PAG1: variants seen among roughly 807,000 people sequenced by gnomAD.
PAG1 encodes phosphoprotein associated with glycosphingolipid-enriched microdomains 1.
PAG1 carries 23 observed loss-of-function variants against 31.7 expected under a neutral mutation model. The ratio of observed to expected loss-of-function variants is 0.73; its 90% CI spans 0.52 to 1.03. PAG1 has a LOEUF of 1.03. Ranked by LOEUF, PAG1 falls within the 50% of genes least tolerant of loss-of-function variation. The pLI, the probability that PAG1 is intolerant of heterozygous loss-of-function variation, is 0.00. For synonymous variants in PAG1, 214 were observed against 210.3 expected, an observed-to-expected ratio of 1.02 and a Z score of -0.15; for missense variants, 473 against 540.7, an observed-to-expected ratio of 0.87 and a Z score of 1.24.
chr8:81,109,047 C>T (rs1028783950), intron 1 of PAG1, among the ~76,000 whole-genome samples: 4 of 152,230 alleles, frequency 2.6e-5, no homozygotes, highest in South Asian at 2.1e-4. Flanking sequence ...GAGACCACCA[C>T]CCTCCAGTGT....
intron 1 of PAG1, among the ~76,000 whole-genome samples, chr8:81,081,200 C>A (rs1355226322): frequency 2.0e-5 from 3 of 151,502 alleles, no homozygotes; most frequent in Admixed American, 6.6e-5. Context: ...CCTTCCCAAT[C>A]TCCAAACAAA....
intron 2 of PAG1, among the ~76,000 whole-genome samples, chr8:81,055,907 G>A (rs1425964987): frequency 6.6e-6 from 1 of 152,148 alleles, no homozygotes; most frequent in African/African-American, 2.4e-5. Flanking sequence ...CTGCAAACAG[G>A]GACAATTTGA....
At chr8:81,090,766 C>G (rs551034072) in intron 1 of PAG1, among the ~76,000 whole-genome samples, 2 of 152,296 alleles carry the variant, frequency 1.3e-5, no homozygotes, top group African/African-American at 4.8e-5. Flanking sequence ...AGTTATATAA[C>G]TAGAACACAG....
At chr8:81,063,856 T>TTA (rs1200455586) in intron 2 of PAG1, among the ~76,000 whole-genome samples, 1 of 152,008 alleles carries the variant, frequency 6.6e-6, no homozygotes, top group Non-Finnish European at 1.5e-5. Context: ...GACCCAAGGA[T>TTA]TATATACCCA....
chr8:81,020,590 G>T (rs972439628), intron 3 of PAG1, among the ~76,000 whole-genome samples: 3 of 152,070 alleles, frequency 2.0e-5, no homozygotes, highest in Non-Finnish European at 4.4e-5. Flanking sequence ...TGATTATGAG[G>T]CCTCCCAGCC....
intron 1 of PAG1, among the ~76,000 whole-genome samples, chr8:81,110,629 T>C (rs890932331): frequency 6.6e-6 from 1 of 152,232 alleles, no homozygotes; most frequent in African/African-American, 2.4e-5. Context: ...CCACTTTTTC[T>C]AAAACAAAGG....
At chr8:81,037,199 A>C (rs1328935390) in intron 2 of PAG1, 1 of 152,218 alleles carries the variant, frequency 6.6e-6, no homozygotes, top group Non-Finnish European at 1.5e-5. Flanking sequence ...ATTTTCTTGA[A>C]TTCTAGGAAG....
At chr8:81,032,776 T>C (rs1465238013) in intron 2 of PAG1, among the ~76,000 whole-genome samples, 2 of 152,152 alleles carry the variant, frequency 1.3e-5, no homozygotes, top group African/African-American at 4.8e-5. Context: ...ACATAGATAT[T>C]CACAGAAGCA....
chr8:81,003,230 T>C (rs1170889079), intron 3 of PAG1, among the ~76,000 whole-genome samples: 1 of 152,182 alleles, frequency 6.6e-6, no homozygotes, highest in Non-Finnish European at 1.5e-5. Context: ...TAGATGTATA[T>C]ATGGTGATCT....
chr8:80,998,603 AAACCACAC>A (rs778249429), intron 3 of PAG1, among the ~76,000 whole-genome samples: 11 of 139,968 alleles, frequency 7.9e-5, no homozygotes, highest in Non-Finnish European at 1.4e-4. Flanking sequence ...GAGAAAAAAA[AAACCACAC>A]AAATTAATGA....
chr8:81,055,291 A>G (rs992075435), intron 2 of PAG1, among the ~76,000 whole-genome samples: 1 of 152,100 alleles, frequency 6.6e-6, no homozygotes, highest in Non-Finnish European at 1.5e-5. Flanking sequence ...CAGTGCCATT[A>G]ACTGGGATAG....
Position 81,090,974 on chromosome 8 carries a change from T to G in PAG1, c.-234+20617A>C, listed in dbSNP as rs185841265. 1.9e-4 allele frequency among the ~76,000 whole-genome samples: 29 copies of G among 152,326 alleles called. No homozygotes were observed. In the East Asian group the frequency reaches 5.6e-3, roughly 29 times the overall value. ...CTGGCAGGAGGGTGGAAAATATTGA[T>G]AATATAGTCCTAGCCAAGTCTGGCA... is the stretch of plus-strand genomic sequence containing the variant. On this transcript the variant is annotated intron_variant, in intron 1 of 8. Coordinates refer to ENST00000220597, the MANE Select transcript of PAG1 (RefSeq NM_018440.4).
In PAG1 at chr8:81,057,294, G is replaced by A. The variant is rs552847657; in HGVS notation, c.-175+12818C>T. The stretch of plus-strand genomic sequence containing the variant: ...ACGTATGTTCATTGTGGCACTATTC[G>A]CACTAGCAAAGACTTGGAACCAACC... On this transcript the variant is annotated intron_variant, in intron 2 of 8. Transcript: ENST00000220597. Among the ~76,000 whole-genome samples the A allele has an allele frequency of 2.2e-3, 335 of 152,112 alleles. 1 individual carries two copies. The highest frequency in any genetic ancestry group is 7.7e-3 in the African/African-American group (319 of 41,492).
intron 2 of PAG1, among the ~76,000 whole-genome samples, chr8:81,053,316 T>C (rs1008564753): frequency 2.0e-5 from 3 of 152,258 alleles, no homozygotes; most frequent in Non-Finnish European, 2.9e-5. Context: ...AAACCTGTGT[T>C]CTTTTCCATA....
intron 1 of PAG1, among the ~76,000 whole-genome samples, chr8:81,093,111 T>C (rs1809474113): frequency 6.6e-6 from 1 of 152,126 alleles, no homozygotes; most frequent in African/African-American, 2.4e-5. Flanking sequence ...ACAGAGCAAA[T>C]GGTATGCTGA....
chr8:81,105,804 C>T (rs1457284303), intron 1 of PAG1, among the ~76,000 whole-genome samples: 1 of 152,166 alleles, frequency 6.6e-6, no homozygotes, highest in African/African-American at 2.4e-5. Flanking sequence ...TCTGATCACC[C>T]TTCATTCCTC....
chr8:81,088,529 A>G (rs2131051729), intron 1 of PAG1, among the ~76,000 whole-genome samples: 1 of 152,348 alleles, frequency 6.6e-6, no homozygotes, highest in Admixed American at 6.5e-5. Flanking sequence ...CAAAATGACT[A>G]TAATACAAAA....
Position 80,993,228 on chromosome 8 carries a change from G to A in PAG1, c.-1C>T. 1 of 1,601,938 alleles carries A rather than the reference G, an allele frequency of 6.2e-7. No homozygotes were observed. Among genetic ancestry groups the A allele is most frequent in the African/African-American group, 1.3e-5 (1 of 74,574 alleles). On this transcript the variant is annotated 5_prime_UTR_variant, in exon 4 of 9. Transcript: ENST00000220597. Reference sequence around the variant, plus strand: ...CCAGCAGGCTCCCCGCGGGCCCCATGGCAGGAGCAGGCACTGGCACCAGCC... The same window carrying A: ...CCAGCAGGCTCCCCGCGGGCCCCATAGCAGGAGCAGGCACTGGCACCAGCC...
intron 1 of PAG1, among the ~76,000 whole-genome samples, chr8:81,076,000 G>A (rs116973216): frequency 6.6e-6 from 1 of 152,188 alleles, no homozygotes; most frequent in Non-Finnish European, 1.5e-5. Context: ...AATGAAATGA[G>A]CCATCCTGAC....
Sources: allele counts gnomAD v4.1 joint callset (sites outside exome capture counted in the v4.1 genomes callset), GRCh38; gene constraint gnomAD v4.1.1; transcripts MANE v1.5; gene names NCBI Gene and HGNC (gene_info 2026-07-23, HGNC 2026-07-21).